Variants in CACNG6 observed in about 807,000 individuals in gnomAD.
CACNG6 encodes calcium voltage-gated channel auxiliary subunit gamma 6.
A neutral mutation model predicts 23.9 loss-of-function variants in CACNG6; 21 were observed. The ratio of observed to expected loss-of-function variants is 0.88; its 90% confidence interval spans 0.62 to 1.26. The LOEUF (loss-of-function observed/expected upper bound fraction) is 1.26. Among genes scored for constraint, CACNG6 ranks in the 50% most tolerant of loss-of-function variants. The pLI is 0.00. For synonymous variants in CACNG6, 182 were observed against 168.9 expected (o/e 1.08, Z -0.60); for missense variants, 340 against 352.9 (o/e 0.96, Z 0.29).
Position 53,992,982 on chromosome 19 carries a change from C to A in CACNG6, c.105C>A (p.Arg35=). 7.0e-7 allele frequency: 1 copy of A among 1,435,906 alleles called. No homozygotes were observed. The highest frequency in any genetic ancestry group is 9.1e-7 in the Non-Finnish European group (1 of 1,097,770). The allele number at this position is 1,435,906 out of a possible 1,614,324, so 88.9% of individuals were successfully genotyped here. The change falls in exon 1 of 4, where the codon CGC becomes CGA. Residue 35 remains arginine (R), a synonymous_variant. Transcript: ENST00000252729. This position sits in a 1 kb window ranked among gnomAD's most constrained non-coding sequence, Gnocchi z 4.1. The stretch of plus-strand genomic sequence containing the variant: ...GCAGGTCGGGGCTGACGCCCGAGCG[C>A]GAGGGGAAGGTGAAGCTGGCGCTGC... ...GQGRSGLTPE[R]EGKVKLALLL...
At chr19:53,998,375 G>A (rs1045450174) in intron 2 of CACNG6, 62 bp downstream of exon 2, 41 of 1,453,126 alleles carry the variant, frequency 2.8e-5, no homozygotes, top group Non-Finnish European at 3.8e-5. Flanking sequence ...TGCTGGAGGA[G>A]TTCTAGAGAG....
chr19:53,999,589 C>A, intron 2 of CACNG6, 45 bp from the exon 3 acceptor site: 1 of 1,600,444 alleles, frequency 6.2e-7, no homozygotes, highest in Non-Finnish European at 8.5e-7. Flanking sequence ...CTCCTCATTC[C>A]CTACATCCCA....
intron 3 of CACNG6, among the ~76,000 whole-genome samples, chr19:54,007,239 G>A (rs1404447571): frequency 6.6e-6 from 1 of 152,138 alleles, no homozygotes; most frequent in African/African-American, 2.4e-5. Flanking sequence ...AGTAGGGATG[G>A]GGTTTCACCG....
At position 53,992,983 on chromosome 19, in the gene CACNG6, G is replaced by T. The variant is rs2069479011; in HGVS notation, c.106G>T (p.Glu36Ter). The T allele has an allele frequency of 2.8e-6, 4 of 1,435,872 alleles. No individual in the cohort carries two copies. Among genetic ancestry groups the T allele is most frequent in the African/African-American group, 1.5e-5 (1 of 66,682 alleles). 88.9% of individuals were successfully genotyped at this position (1,435,872 alleles called of 1,614,324 possible). A position where few individuals can be genotyped will look rare whatever the true frequency, so the allele number is the denominator to read the frequency against. ...QGRSGLTPER[E>*]GKVKLALLLA... The stretch of plus-strand genomic sequence containing the variant: ...CAGGTCGGGGCTGACGCCCGAGCGC[G>T]AGGGGAAGGTGAAGCTGGCGCTGCT... The change falls in exon 1 of 4, where the codon GAG (glutamate) becomes TAG (stop). Residue 36 changes from glutamate to a stop codon, truncating the protein, a stop_gained. Coordinates refer to ENST00000252729, the MANE Select transcript of CACNG6 (RefSeq NM_145814.2). LOFTEE classifies it high-confidence loss of function. The surrounding 1 kb of genome is among the most constrained non-coding windows in gnomAD (Gnocchi z 4.1).
chr19:53,994,449 C>T lies in CACNG6; in HGVS notation c.331+1241C>T, dbSNP rs930051396. Among the ~76,000 whole-genome samples, 18 of 152,266 alleles carry T rather than the reference C, an allele frequency of 1.2e-4. 1 individual carries two copies. The highest frequency in any genetic ancestry group is 4.1e-4 in the African/African-American group (17 of 41,536). On this transcript the variant is annotated intron_variant, in intron 1 of 3. Transcript: ENST00000252729. ...AGAGCTGTTCCATACCTCCCTGACA[C>T]GCCACGCCACGGCTTGTGCTTATAC...
chr19:53,992,837 G>C lies in CACNG6; in HGVS notation c.-41G>C. ...CTCCCGCCCCTCGAGGCCCTTCGCC[G>C]GCTCTGCCTCCTCCCCCTTCCCGAC... On this transcript the variant is annotated 5_prime_UTR_variant, in exon 1 of 4. Coordinates refer to ENST00000252729, the MANE Select transcript of CACNG6 (RefSeq NM_145814.2). The surrounding 1 kb of genome is among the most constrained non-coding windows in gnomAD (Gnocchi z 4.1). 2.2e-6 allele frequency: 3 copies of C among 1,336,370 alleles called. No homozygotes were observed. The highest frequency in any genetic ancestry group is 1.9e-6 in the Non-Finnish European group (2 of 1,031,358). 82.8% of individuals were successfully genotyped at this position (1,336,370 alleles called of 1,614,324 possible).
At position 53,992,556 on chromosome 19, in the gene CACNG6, CTA is replaced by C; in HGVS notation, c.-320_-319del. On this transcript the variant is annotated 5_prime_UTR_variant, in exon 1 of 4. Coordinates refer to ENST00000252729, the MANE Select transcript of CACNG6 (RefSeq NM_145814.2). The surrounding 1 kb of genome is among the most constrained non-coding windows in gnomAD (Gnocchi z 4.1). ...GGACTCCCTCCTGGGAAGCCGAATT[CTA>C]TCTCTAAACCTCAGGGTGGGGGCCT... 4.7e-6 allele frequency: 1 copy of C among 213,874 alleles called. No homozygotes were observed. The highest frequency in any genetic ancestry group is 5.9e-5 in the Admixed American group (1 of 16,958). The allele number at this position is 213,874 out of a possible 1,614,324, so 13.2% of individuals were successfully genotyped here. A position where few individuals can be genotyped will look rare whatever the true frequency, so the allele number is the denominator to read the frequency against.
At chr19:53,994,459 C>T (rs1047678397) in intron 1 of CACNG6, among the ~76,000 whole-genome samples, 2 of 152,122 alleles carry the variant, frequency 1.3e-5, no homozygotes, top group East Asian at 1.9e-4. Flanking sequence ...CGCCACGCCA[C>T]GGCTTGTGCT....
chr19:53,997,593 A>G (rs2069533327), intron 1 of CACNG6, among the ~76,000 whole-genome samples: 1 of 151,954 alleles, frequency 6.6e-6, no homozygotes, highest in African/African-American at 2.4e-5. Context: ...TGACCCTTTT[A>G]ATGTTGGCCA....
Position 54,009,057 on chromosome 19 carries a change from G to A in CACNG6, c.545-2894G>A, listed in dbSNP as rs574829287. ...TAATCCCAGCACTATGGGAGGCCAA[G>A]GTGAGTGGATCGCTTGAGGTCAGGA... On this transcript the variant is annotated intron_variant, in intron 3 of 3. Transcript: ENST00000252729. Among the ~76,000 whole-genome samples the A allele has an allele frequency of 4.6e-5, 7 of 152,294 alleles. No individual in the cohort carries two copies. The East Asian group carries it at 1.4e-3, about 29-fold the overall frequency.
At chr19:53,999,602 T>C in intron 2 of CACNG6, 32 bp from the exon 3 acceptor site, 1 of 1,608,914 alleles carries the variant, frequency 6.2e-7, no homozygotes, top group East Asian at 2.2e-5. Flanking sequence ...ACATCCCATG[T>C]TCTCTGCTTC....
intron 1 of CACNG6, among the ~76,000 whole-genome samples, chr19:53,993,635 G>A (rs1377552716): frequency 6.7e-6 from 1 of 148,390 alleles, no homozygotes; most frequent in Non-Finnish European, 1.5e-5. Flanking sequence ...TGTGCCCCAA[G>A]ACCATCCTGT....
At chr19:54,002,482 T>C (rs1189941165) in intron 3 of CACNG6, among the ~76,000 whole-genome samples, 49 of 121,362 alleles carry the variant, frequency 4.0e-4, no homozygotes, top group African/African-American at 1.4e-3. Flanking sequence ...CATCTATTTC[T>C]CCTTTTTTTT....
At chr19:53,993,395 T>G (rs1041435035) in intron 1 of CACNG6, among the ~76,000 whole-genome samples, 187 bp downstream of exon 1, 1 of 151,960 alleles carries the variant, frequency 6.6e-6, no homozygotes, top group African/African-American at 2.4e-5. Context: ...GATAGAGGGA[T>G]CCCCCAGATA....
intron 3 of CACNG6, among the ~76,000 whole-genome samples, chr19:54,005,878 C>T (rs926034325): frequency 4.6e-5 from 7 of 151,458 alleles, no homozygotes; most frequent in Admixed American, 2.0e-4. Context: ...TCACTTAAGG[C>T]CAGGAGTTTG....
chr19:54,007,534 C>T (rs1285460786), intron 3 of CACNG6, among the ~76,000 whole-genome samples: 8 of 152,146 alleles, frequency 5.3e-5, no homozygotes, highest in Non-Finnish European at 1.0e-4. Flanking sequence ...GTTGTAGTAT[C>T]ATTTATGTAT....
chr19:54,012,337 C>A lies in CACNG6; in HGVS notation c.*148C>A, dbSNP rs920441250. On this transcript the variant is annotated 3_prime_UTR_variant, in exon 4 of 4. Transcript: ENST00000252729. ...TTTTTACACGCCTGCCTCCTGTCCC[C>A]TTATCCTTTCTCCCTCTGTAAATAC... is the stretch of plus-strand genomic sequence containing the variant. 8.6e-6 allele frequency: 4 copies of A among 465,006 alleles called. No homozygotes were observed. The highest frequency in any genetic ancestry group is 6.0e-5 in the African/African-American group (3 of 50,246). The allele number at this position is 465,006 out of a possible 1,614,324, so 28.8% of individuals were successfully genotyped here. A position where few individuals can be genotyped will look rare whatever the true frequency, so the allele number is the denominator to read the frequency against.
intron 3 of CACNG6, among the ~76,000 whole-genome samples, chr19:54,006,127 G>A (rs1375134374): frequency 5.6e-4 from 23 of 41,316 alleles, no homozygotes; most frequent in South Asian, 1.5e-3. Flanking sequence ...AATAAAATAA[G>A]AAAGAAAGAA....
chr19:53,995,537 G>A (rs1191968077), intron 1 of CACNG6, among the ~76,000 whole-genome samples: 1 of 152,178 alleles, frequency 6.6e-6, no homozygotes, highest in Non-Finnish European at 1.5e-5. Flanking sequence ...GCCAAAAGAG[G>A]ATGCCAGGCA....
Sources: allele counts gnomAD v4.1 joint callset (sites outside exome capture counted in the v4.1 genomes callset), GRCh38; gene constraint gnomAD v4.1.1; non-coding constraint Gnocchi (gnomAD v3.1); transcripts MANE v1.5; gene names NCBI Gene and HGNC (gene_info 2026-07-23, HGNC 2026-07-21).